Variants in ROBO2 observed in about 807,000 individuals in gnomAD.
The protein encoded by ROBO2 is roundabout homolog 2.
Under a neutral mutation model 160.8 loss-of-function variants are expected in ROBO2, and 53 were observed. The observed-to-expected ratio is 0.33, with a 90% CI of 0.26 to 0.41. ROBO2 has a LOEUF of 0.41. Ranked by LOEUF, ROBO2 falls within the 10% of genes least tolerant of loss-of-function variation. The pLI, the probability that ROBO2 is intolerant of heterozygous loss-of-function variation, is 1.00. For missense variants in ROBO2, 1,577 were observed against 1,722.4 expected, an observed-to-expected ratio of 0.92 and a Z score of 1.49; for synonymous variants, 664 against 611.7, an observed-to-expected ratio of 1.09 and a Z score of -1.26.
At chr3:76,466,797 T>C (rs186479438) in intron 2 of ROBO2, among the ~76,000 whole-genome samples, 81 of 152,126 alleles carry the variant, frequency 5.3e-4, no homozygotes, top group African/African-American at 1.9e-3. Flanking sequence ...TCTTTAGATA[T>C]ATAGGACCTT....
chr3:76,345,433 TTTTC>T (rs2074469306), intron 2 of ROBO2, among the ~76,000 whole-genome samples: 1 of 108,740 alleles, frequency 9.2e-6, no homozygotes, highest in South Asian at 3.8e-4. Flanking sequence ...ATCTTTTTTC[TTTTC>T]TTTCTTTTTT....
intron 2 of ROBO2, among the ~76,000 whole-genome samples, chr3:76,938,776 C>T (rs148854382): frequency 0.033 from 5,092 of 152,002 alleles, 266 homozygotes; most frequent in African/African-American, 0.12. Context: ...TAAAGATCAG[C>T]CTGACCAACA....
intron 2 of ROBO2, among the ~76,000 whole-genome samples, chr3:76,738,023 A>G (rs2093742528): frequency 6.6e-6 from 1 of 152,034 alleles, no homozygotes; most frequent in Admixed American, 6.6e-5. Context: ...AGTCCTAGCT[A>G]CCTGGGAGAC....
intron 1 of ROBO2, among the ~76,000 whole-genome samples, chr3:77,050,463 A>C (rs1426503179): frequency 2.0e-5 from 3 of 152,172 alleles, no homozygotes; most frequent in African/African-American, 7.2e-5. Flanking sequence ...ACCTTTTAAA[A>C]AGAAAATGCC....
intron 2 of ROBO2, among the ~76,000 whole-genome samples, chr3:76,160,596 C>A (rs1559602257): frequency 6.6e-6 from 1 of 152,134 alleles, no homozygotes; most frequent in Non-Finnish European, 1.5e-5. Context: ...CTGCTGATTT[C>A]TTCAGGGCAT....
At chr3:77,214,138 A>G (rs943811231) in intron 2 of ROBO2, among the ~76,000 whole-genome samples, 5 of 151,974 alleles carry the variant, frequency 3.3e-5, no homozygotes, top group African/African-American at 9.7e-5. Flanking sequence ...TATCCTTGTT[A>G]ACTTTCTGTC....
intron 2 of ROBO2, among the ~76,000 whole-genome samples, chr3:77,355,888 A>G (rs994469640): frequency 6.6e-6 from 1 of 151,882 alleles, no homozygotes; most frequent in African/African-American, 2.4e-5. Context: ...TACACACTGT[A>G]TAATGAGCAG....
intron 22 of ROBO2, among the ~76,000 whole-genome samples, chr3:77,619,692 T>C (rs1472845175): frequency 1.3e-5 from 2 of 152,148 alleles, no homozygotes; most frequent in African/African-American, 2.4e-5. Context: ...GGTGACACCA[T>C]GCAACTCCAA....
chr3:77,638,591 A>G (rs2095301712), intron 24 of ROBO2, among the ~76,000 whole-genome samples: 1 of 152,182 alleles, frequency 6.6e-6, no homozygotes, highest in Non-Finnish European at 1.5e-5. Flanking sequence ...TGTATCCCAA[A>G]GACTGAAAAA....
At chr3:76,076,638 A>G (rs960982573) in intron 2 of ROBO2, among the ~76,000 whole-genome samples, 2 of 152,178 alleles carry the variant, frequency 1.3e-5, no homozygotes, top group South Asian at 2.1e-4. Flanking sequence ...CTGATGACCT[A>G]TCTTACCACA....
At chr3:75,928,583 G>A (rs1679453794) in intron 1 of ROBO2, among the ~76,000 whole-genome samples, 2 of 152,148 alleles carry the variant, frequency 1.3e-5, no homozygotes, top group East Asian at 1.9e-4. Context: ...CCTGCCAGTG[G>A]CATATAATGA....
At chr3:76,404,749 T>C (rs980884311) in intron 2 of ROBO2, among the ~76,000 whole-genome samples, 3 of 151,458 alleles carry the variant, frequency 2.0e-5, no homozygotes, top group African/African-American at 7.3e-5. Flanking sequence ...GTAGAATACA[T>C]TGAAGAGTGA....
intron 2 of ROBO2, among the ~76,000 whole-genome samples, chr3:77,192,086 G>A (rs2081907518): frequency 6.6e-6 from 1 of 152,112 alleles, no homozygotes; most frequent in South Asian, 2.1e-4. Context: ...ACATTATTTA[G>A]CGAAGTTGGA....
intron 2 of ROBO2, among the ~76,000 whole-genome samples, chr3:76,878,425 T>C (rs540688545): frequency 3.9e-5 from 6 of 152,294 alleles, no homozygotes; most frequent in African/African-American, 1.4e-4. Context: ...GTTCTAATGG[T>C]ATGTAATTGG....
At chr3:76,773,586 T>TA (rs397874886) in intron 2 of ROBO2, among the ~76,000 whole-genome samples, 12 of 150,580 alleles carry the variant, frequency 8.0e-5, no homozygotes, top group South Asian at 2.1e-4. Context: ...AATTTTTTTT[T>TA]AATTTTGCAG....
chr3:76,734,614 G>A (rs998658394), intron 2 of ROBO2, among the ~76,000 whole-genome samples: 8 of 152,106 alleles, frequency 5.3e-5, no homozygotes, highest in African/African-American at 1.9e-4. Flanking sequence ...CCTTGGCTCA[G>A]GTCTAGTTCA....
chr3:77,617,876 T>G lies in ROBO2; in HGVS notation c.3554+103T>G, dbSNP rs1583312503. 2.4e-6 allele frequency: 3 copies of G among 1,255,170 alleles called. No homozygotes were observed. In the East Asian group the frequency reaches 7.3e-5, roughly 31 times the overall value. The allele number at this position is 1,255,170 out of a possible 1,614,324, so 77.8% of individuals were successfully genotyped here. Reference sequence around the variant, plus strand: ...TCTGATAGAACTACACAGCTAGGGTTAAAAGTGATTTTGTATGACTCCTTA... The same window carrying G: ...TCTGATAGAACTACACAGCTAGGGTGAAAAGTGATTTTGTATGACTCCTTA... On this transcript the variant is annotated intron_variant, in intron 22 of 25. Transcript: ENST00000461745.
At chr3:76,477,831 AC>A (rs1301287010) in intron 2 of ROBO2, among the ~76,000 whole-genome samples, 1 of 151,786 alleles carries the variant, frequency 6.6e-6, no homozygotes, top group East Asian at 1.9e-4. Flanking sequence ...GGCTTTAAAA[AC>A]CTTTTTTCTC....
chr3:77,553,964 A>T (rs1339524257), intron 8 of ROBO2, among the ~76,000 whole-genome samples: 1 of 152,046 alleles, frequency 6.6e-6, no homozygotes, highest in East Asian at 1.9e-4. Context: ...TAGACAAAGC[A>T]TGCATATATT....
Sources: allele counts gnomAD v4.1 joint callset (sites outside exome capture counted in the v4.1 genomes callset), GRCh38; gene constraint gnomAD v4.1.1; transcripts MANE v1.5; gene names NCBI Gene and HGNC (gene_info 2026-07-23, HGNC 2026-07-21).